Variants in KCNH1 observed in about 807,000 individuals in gnomAD.
KCNH1 encodes the protein voltage-gated delayed rectifier potassium channel KCNH1.
A neutral mutation model predicts 69.2 loss-of-function variants in KCNH1; 27 were observed. The ratio of observed to expected loss-of-function variants is 0.39; its 90% confidence interval spans 0.29 to 0.54. The LOEUF (loss-of-function observed/expected upper bound fraction) is 0.54. KCNH1 is among the 20% of genes least tolerant of loss of function. The pLI, the probability that KCNH1 is intolerant of heterozygous loss-of-function variation, is 0.68. For missense variants in KCNH1, 798 were observed against 1,261.6 expected (o/e 0.63, Z 5.57); for synonymous variants, 456 against 487.7 (o/e 0.93, Z 0.86).
intron 9 of KCNH1, among the ~76,000 whole-genome samples, chr1:210,790,986 C>T (rs1367213433): frequency 2.6e-5 from 4 of 152,108 alleles, no homozygotes; most frequent in South Asian, 4.2e-4. Context: ...TTATGAAACA[C>T]CCCTGACACT....
intron 9 of KCNH1, among the ~76,000 whole-genome samples, chr1:210,794,815 A>G (rs958190569): frequency 2.6e-5 from 4 of 152,226 alleles, no homozygotes; most frequent in Non-Finnish European, 4.4e-5. Flanking sequence ...ACTAGTTAAT[A>G]GGTGCTCATC....
chr1:210,843,025 AAGT>A (rs1158349133), intron 7 of KCNH1, among the ~76,000 whole-genome samples: 1 of 152,224 alleles, frequency 6.6e-6, no homozygotes, highest in African/African-American at 2.4e-5. Context: ...GTTACAGAGA[AAGT>A]AGTCTTTCCT....
Position 210,779,892 on chromosome 1 carries a change from A to C in KCNH1, c.1916-4348T>G, listed in dbSNP as rs1028715407. Among the ~76,000 whole-genome samples the C allele has an allele frequency of 5.3e-5, 8 of 152,356 alleles. No individual in the cohort carries two copies. In the South Asian group the frequency reaches 1.7e-3, roughly 32 times the overall value. ...AAACATCCCTGTGGGGTACCAATGT[A>C]GGACTGAAGAACATCCACAAAACAT... On this transcript the variant is annotated intron_variant, in intron 9 of 10. Coordinates refer to ENST00000271751, the MANE Select transcript of KCNH1 (RefSeq NM_172362.3).
intron 2 of KCNH1, 150 bp from the exon 3 acceptor site, chr1:211,103,752 T>A: frequency 1.8e-6 from 1 of 567,300 alleles, no homozygotes; most frequent in Non-Finnish European, 3.1e-6. Context: ...CAAAAAAATT[T>A]ACTGATTCAA....
At chr1:210,741,250 C>A (rs1331816369) in intron 10 of KCNH1, among the ~76,000 whole-genome samples, 1 of 152,098 alleles carries the variant, frequency 6.6e-6, no homozygotes, top group African/African-American at 2.4e-5. Context: ...TTTATTTTGG[C>A]CTGTGTAATC....
intron 10 of KCNH1, among the ~76,000 whole-genome samples, chr1:210,703,868 GC>G (rs1225741470): frequency 6.6e-6 from 1 of 152,156 alleles, no homozygotes; most frequent in East Asian, 1.9e-4. Flanking sequence ...AATTGGCCCA[GC>G]CCCAGAGCAG....
At chr1:210,835,019 A>C (rs984238176) in intron 7 of KCNH1, among the ~76,000 whole-genome samples, 1 of 152,162 alleles carries the variant, frequency 6.6e-6, no homozygotes, top group African/African-American at 2.4e-5. Flanking sequence ...TCTGTATGCG[A>C]GTCATAAAGC....
chr1:210,749,471 C>CAAG (rs901163091), intron 10 of KCNH1, among the ~76,000 whole-genome samples: 7 of 152,272 alleles, frequency 4.6e-5, no homozygotes, highest in Admixed American at 3.9e-4. Context: ...ATATCATGCC[C>CAAG]AAGTCCTCAG....
intron 4 of KCNH1, among the ~76,000 whole-genome samples, chr1:211,086,194 T>C (rs2102469694): frequency 6.6e-6 from 1 of 152,308 alleles, no homozygotes; most frequent in South Asian, 2.1e-4. Flanking sequence ...ACAAATATTT[T>C]TTTTTCTCTC....
At chr1:210,808,443 G>A (rs1684632528) in intron 7 of KCNH1, among the ~76,000 whole-genome samples, 1 of 152,084 alleles carries the variant, frequency 6.6e-6, no homozygotes, top group African/African-American at 2.4e-5. Flanking sequence ...GAGGCATTCT[G>A]GAAGGTTAAG....
intron 5 of KCNH1, among the ~76,000 whole-genome samples, chr1:211,027,710 A>G (rs915688553): frequency 6.6e-6 from 1 of 152,228 alleles, no homozygotes; most frequent in Non-Finnish European, 1.5e-5. Context: ...AATAGAAAGT[A>G]TCTGAACAAT....
At chr1:210,981,052 TC>T (rs1302591640) in intron 6 of KCNH1, among the ~76,000 whole-genome samples, 8 of 152,084 alleles carry the variant, frequency 5.3e-5, no homozygotes, top group African/African-American at 1.9e-4. Context: ...CTTATATCCC[TC>T]TCTCTAAGCA....
At chr1:210,879,454 AAATT>A (rs1159434802) in intron 7 of KCNH1, among the ~76,000 whole-genome samples, 2 of 152,066 alleles carry the variant, frequency 1.3e-5, no homozygotes, top group Admixed American at 6.6e-5. Flanking sequence ...CAACATTCAA[AAATT>A]AATTAATTAA....
intron 10 of KCNH1, among the ~76,000 whole-genome samples, chr1:210,733,955 A>T (rs933704985): frequency 1.1e-4 from 4 of 35,804 alleles, no homozygotes; most frequent in Middle Eastern, 0.013. Flanking sequence ...TGTCTCACAC[A>T]CACACACACA....
At chr1:210,684,264 CT>C in intron 10 of KCNH1, 126 bp from the exon 11 acceptor site, 11 of 1,006,432 alleles carry the variant, frequency 1.1e-5, no homozygotes, top group Non-Finnish European at 1.4e-5. Context: ...GAGGCTGGGG[CT>C]CACAGCCTAC....
chr1:210,941,804 G>A (rs1687880185), intron 6 of KCNH1, among the ~76,000 whole-genome samples: 1 of 152,176 alleles, frequency 6.6e-6, no homozygotes, highest in South Asian at 2.1e-4. Context: ...GGATGTTCTA[G>A]GTTTAAGGTA....
At chr1:210,917,507 C>T (rs1191956812) in intron 7 of KCNH1, among the ~76,000 whole-genome samples, 3 of 152,204 alleles carry the variant, frequency 2.0e-5, no homozygotes, top group Admixed American at 6.5e-5. Context: ...CAAAAAAACC[C>T]CCAACTACTT....
At chr1:210,783,154 G>A (rs914745755) in intron 9 of KCNH1, among the ~76,000 whole-genome samples, 1 of 152,214 alleles carries the variant, frequency 6.6e-6, no homozygotes, top group African/African-American at 2.4e-5. Context: ...TTGAAAGAGA[G>A]AAAAGTGAGT....
chr1:211,005,788 G>C (rs1163258393), intron 6 of KCNH1, among the ~76,000 whole-genome samples: 1 of 151,876 alleles, frequency 6.6e-6, no homozygotes, highest in Non-Finnish European at 1.5e-5. Context: ...ATCCTAAAAA[G>C]AGAAAATAGG....
Sources: gnomAD v4.1 joint callset for allele counts (sites outside exome capture counted in the v4.1 genomes callset) on GRCh38, gnomAD v4.1.1 for gene constraint, MANE v1.5 for transcripts, NCBI Gene and HGNC (gene_info 2026-07-23, HGNC 2026-07-21) for gene names.